The following CSGALNACT1 variants were observed in gnomAD, a reference collection of about 807,000 sequenced individuals.
CSGALNACT1 encodes the protein chondroitin sulfate N-acetylgalactosaminyltransferase 1.
A neutral mutation model predicts 51.0 loss-of-function variants in CSGALNACT1; 52 were observed. The observed-to-expected ratio is 1.02, with a 90% CI of 0.82 to 1.29. CSGALNACT1 has a LOEUF of 1.29. Ranked by LOEUF, CSGALNACT1 falls within the 50% of genes most tolerant of loss-of-function variation. CSGALNACT1 has a pLI of 0.00. For missense variants in CSGALNACT1, 935 were observed against 679.2 expected (o/e 1.38, Z -4.19); for synonymous variants, 341 against 254.4 (o/e 1.34, Z -3.24).
At chr8:19,643,147 T>A (rs751264589) in intron 1 of CSGALNACT1, among the ~76,000 whole-genome samples, 7 of 151,994 alleles carry the variant, frequency 4.6e-5, no homozygotes, top group Non-Finnish European at 8.8e-5. Context: ...ATATAGTATA[T>A]TATGAACTAT....
intron 4 of CSGALNACT1, among the ~76,000 whole-genome samples, chr8:19,480,192 G>A (rs2070970522): frequency 6.6e-6 from 1 of 152,142 alleles, no homozygotes. Context: ...GGAATTTATT[G>A]TACAGATTAT....
At chr8:19,586,388 C>T (rs1029873649) in intron 3 of CSGALNACT1, among the ~76,000 whole-genome samples, 1 of 140,818 alleles carries the variant, frequency 7.1e-6, no homozygotes, top group African/African-American at 2.7e-5. Context: ...ACAGTGGAGA[C>T]ACGCACCGTA....
At chr8:19,652,341 G>A (rs1208587361) in intron 1 of CSGALNACT1, among the ~76,000 whole-genome samples, 1 of 152,136 alleles carries the variant, frequency 6.6e-6, no homozygotes. Flanking sequence ...CCAAGATCAA[G>A]GAGGGGGAGT....
chr8:19,405,924 C>T, exon 10 of CSGALNACT1: 1 of 1,614,182 alleles, frequency 6.2e-7, no homozygotes, highest in Non-Finnish European at 8.5e-7. Context: ...GCTCGGGGGT[C>T]AGCTCGTCCA....
chr8:19,635,069 G>C (rs1041700670), intron 1 of CSGALNACT1, among the ~76,000 whole-genome samples: 1 of 152,232 alleles, frequency 6.6e-6, no homozygotes, highest in Non-Finnish European at 1.5e-5. Flanking sequence ...AAATGATTGT[G>C]TAATTAAGTG....
chr8:19,437,636 A>C (rs147483003), intron 6 of CSGALNACT1, among the ~76,000 whole-genome samples: 36 of 152,334 alleles, frequency 2.4e-4, no homozygotes, highest in African/African-American at 8.4e-4. Context: ...TTCCCTATGC[A>C]ACTAGTCAAC....
intron 8 of CSGALNACT1, among the ~76,000 whole-genome samples, chr8:19,415,990 C>T (rs531353924): frequency 6.6e-6 from 1 of 152,048 alleles, no homozygotes; most frequent in Non-Finnish European, 1.5e-5. Context: ...GATTTAAAAA[C>T]ATTTTCTTGT....
At chr8:19,611,015 G>A (rs1322177150) in intron 1 of CSGALNACT1, among the ~76,000 whole-genome samples, 1 of 152,212 alleles carries the variant, frequency 6.6e-6, no homozygotes, top group African/African-American at 2.4e-5. Flanking sequence ...GAGCAGCGGG[G>A]CACTGAAGCA....
intron 1 of CSGALNACT1, among the ~76,000 whole-genome samples, chr8:19,629,996 G>A (rs766736192): frequency 2.0e-5 from 3 of 152,104 alleles, no homozygotes; most frequent in Non-Finnish European, 4.4e-5. Context: ...AGGGGAGTCC[G>A]ACATCCTAAA....
At chr8:19,520,660 C>T (rs1024702299) in intron 3 of CSGALNACT1, among the ~76,000 whole-genome samples, 4 of 152,236 alleles carry the variant, frequency 2.6e-5, no homozygotes, top group Non-Finnish European at 5.9e-5. Flanking sequence ...CAGTTTAACA[C>T]TGTTGAACAT....
chr8:19,692,836 G>A (rs2061399949), intron 1 of CSGALNACT1, among the ~76,000 whole-genome samples: 1 of 152,176 alleles, frequency 6.6e-6, no homozygotes, highest in Admixed American at 6.5e-5. Flanking sequence ...CCAGAATCTG[G>A]CTGAGCTTCC....
At chr8:19,522,201 G>C (rs1407687432) in intron 3 of CSGALNACT1, among the ~76,000 whole-genome samples, 2 of 152,158 alleles carry the variant, frequency 1.3e-5, no homozygotes, top group African/African-American at 2.4e-5. Context: ...GTATTAGTGA[G>C]AGAAATGTGG....
chr8:19,406,226 A>G (rs1304416289), intron 9 of CSGALNACT1, among the ~76,000 whole-genome samples, 157 bp from the exon 9 acceptor site: 3 of 152,090 alleles, frequency 2.0e-5, no homozygotes, highest in Non-Finnish European at 4.4e-5. Flanking sequence ...CTGGGTCAGA[A>G]GCCCCGAGAA....
At chr8:19,471,603 C>G in intron 4 of CSGALNACT1, among the ~76,000 whole-genome samples, 1 of 152,128 alleles carries the variant, frequency 6.6e-6, no homozygotes, top group African/African-American at 2.4e-5. Flanking sequence ...AGGGGTTCGA[C>G]GCCGGTAACT....
intron 1 of CSGALNACT1, among the ~76,000 whole-genome samples, chr8:19,691,779 C>A (rs1450145098): frequency 6.6e-6 from 1 of 152,196 alleles, no homozygotes. Flanking sequence ...GAGCCACACA[C>A]TGAAGTAGTG....
intron 5 of CSGALNACT1, among the ~76,000 whole-genome samples, chr8:19,444,032 C>T (rs2061734496): frequency 6.6e-6 from 1 of 152,196 alleles, no homozygotes; most frequent in South Asian, 2.1e-4. Context: ...TCTAATGCTA[C>T]AGCTGATCTG....
rs1342145460 is a variant in CSGALNACT1 at position 19,587,893 on chromosome 8, C to T, written c.-297+3267G>A. 3.3e-5 allele frequency: 5 copies of T among 152,076 alleles called. No individual in the cohort carries two copies. The East Asian group carries it at 9.6e-4, about 29-fold the overall frequency. The allele number at this position is 152,076 out of a possible 1,614,324, so 9.4% of individuals were successfully genotyped here. ...TGTGATACCTTTGTGATCAGCATTACAAATATACAATAACAGTCCAGCAAT... is the reference window on the plus strand; with the variant it reads ...TGTGATACCTTTGTGATCAGCATTATAAATATACAATAACAGTCCAGCAAT... On this transcript the variant is annotated intron_variant, in intron 3 of 9. Coordinates refer to ENST00000454498, the Ensembl canonical transcript of CSGALNACT1.
chr8:19,669,585 G>A (rs2154196912), intron 1 of CSGALNACT1, among the ~76,000 whole-genome samples: 1 of 152,214 alleles, frequency 6.6e-6, no homozygotes, highest in Admixed American at 6.5e-5. Flanking sequence ...CTGAGTAGCT[G>A]GGATTAATAG....
chr8:19,632,579 C>A (rs919330174), intron 1 of CSGALNACT1, among the ~76,000 whole-genome samples: 1 of 152,178 alleles, frequency 6.6e-6, no homozygotes, highest in Non-Finnish European at 1.5e-5. Flanking sequence ...GTTCTTAACC[C>A]GCAGCTATCT....
Sources: gnomAD v4.1 joint callset for allele counts (sites outside exome capture counted in the v4.1 genomes callset) on GRCh38, gnomAD v4.1.1 for gene constraint, MANE v1.5 for transcripts, NCBI Gene and HGNC (gene_info 2026-07-23, HGNC 2026-07-21) for gene names.